The following MMP26 variants were observed in gnomAD, a reference collection of about 807,000 sequenced individuals.
MMP26 encodes matrix metalloproteinase-26.
A neutral mutation model predicts 31.0 loss-of-function variants in MMP26; 33 were observed. The observed-to-expected ratio is 1.06, with a 90% CI of 0.81 to 1.42. MMP26 has a LOEUF of 1.42. Among genes scored for constraint, MMP26 ranks in the 40% most tolerant of loss-of-function variants. MMP26 has a pLI of 0.00. For missense variants in MMP26, 347 were observed against 316.1 expected, an observed-to-expected ratio of 1.10 and a Z score of -0.74; for synonymous variants, 122 against 114.9, an observed-to-expected ratio of 1.06 and a Z score of -0.40.
At chr11:4,895,069 A>G (rs1360003650) in intron 2 of MMP26, among the ~76,000 whole-genome samples, 2 of 152,280 alleles carry the variant, frequency 1.3e-5, no homozygotes, top group African/African-American at 2.4e-5. Context: ...AAAGGGACTA[A>G]TGCATTTTCC....
chr11:4,975,964 T>C (rs1214174310), intron 2 of MMP26, among the ~76,000 whole-genome samples: 4 of 152,064 alleles, frequency 2.6e-5, no homozygotes, highest in African/African-American at 9.7e-5. Flanking sequence ...ATACCAGCCC[T>C]CTTAATAGGA....
At chr11:4,860,090 A>G (rs749033908) in intron 2 of MMP26, 3 of 470,986 alleles carry the variant, frequency 6.4e-6, no homozygotes, top group Admixed American at 2.4e-5. Context: ...GGCACAGGGA[A>G]TACCACACAG....
At chr11:4,897,363 C>A (rs1408756037) in intron 2 of MMP26, among the ~76,000 whole-genome samples, 1 of 152,200 alleles carries the variant, frequency 6.6e-6, no homozygotes, top group African/African-American at 2.4e-5. Flanking sequence ...TGGTCTCCAT[C>A]TCCTGACCTC....
At chr11:4,822,488 T>C (rs753264720) in intron 2 of MMP26, 5 of 979,322 alleles carry the variant, frequency 5.1e-6, no homozygotes, top group Non-Finnish European at 5.5e-6. Flanking sequence ...AAGCAATTTA[T>C]AGGTTATGTG....
At chr11:4,963,282 C>G (rs1039508694) in intron 2 of MMP26, among the ~76,000 whole-genome samples, 2 of 152,050 alleles carry the variant, frequency 1.3e-5, no homozygotes, top group Non-Finnish European at 2.9e-5. Flanking sequence ...ATAGGAAGAA[C>G]CAATATCATG....
intron 2 of MMP26, among the ~76,000 whole-genome samples, chr11:4,897,115 C>G (rs1589932198): frequency 6.9e-6 from 1 of 145,338 alleles, no homozygotes; most frequent in Non-Finnish European, 1.5e-5. Flanking sequence ...CACACACACA[C>G]AGACACACAC....
At chr11:4,755,465 TG>T (rs1848494622) in intron 1 of MMP26, among the ~76,000 whole-genome samples, 1 of 152,014 alleles carries the variant, frequency 6.6e-6, no homozygotes, top group African/African-American at 2.4e-5. Context: ...TTTTATAGGA[TG>T]CTTAACTATA....
chr11:4,886,987 A>T, intron 2 of MMP26, among the ~76,000 whole-genome samples: 1 of 152,012 alleles, frequency 6.6e-6, no homozygotes, highest in South Asian at 2.1e-4. Flanking sequence ...TAAAAATCAT[A>T]TGCACACAAA....
At chr11:4,896,621 T>C (rs1167805212) in intron 2 of MMP26, among the ~76,000 whole-genome samples, 2 of 152,200 alleles carry the variant, frequency 1.3e-5, no homozygotes, top group African/African-American at 4.8e-5. Flanking sequence ...TTAATCGATA[T>C]ATTATTTTAG....
At chr11:4,903,626 T>C (rs181447841) in intron 2 of MMP26, among the ~76,000 whole-genome samples, 242 of 152,220 alleles carry the variant, frequency 1.6e-3, no homozygotes, top group Middle Eastern at 0.01. Context: ...TAAGGTACAA[T>C]GAATACAAAG....
At chr11:4,935,806 A>G (rs2133595466) in intron 2 of MMP26, among the ~76,000 whole-genome samples, 1 of 151,660 alleles carries the variant, frequency 6.6e-6, no homozygotes, top group East Asian at 1.9e-4. Flanking sequence ...AATTTTGTCA[A>G]AGGCTTTTTC....
At chr11:4,900,381 A>G (rs529103226) in intron 2 of MMP26, among the ~76,000 whole-genome samples, 1 of 152,318 alleles carries the variant, frequency 6.6e-6, no homozygotes, top group South Asian at 2.1e-4. Flanking sequence ...TCTTCCATTA[A>G]GTGGCCATTT....
At chr11:4,768,958 A>G (rs1382215575) in intron 2 of MMP26, 5 of 1,467,562 alleles carry the variant, frequency 3.4e-6, no homozygotes, top group South Asian at 1.5e-5. Flanking sequence ...CCAGGTTTGT[A>G]TCAAATAAAA....
chr11:4,707,939 G>C (rs1229040216), intron 1 of MMP26, among the ~76,000 whole-genome samples: 1 of 152,086 alleles, frequency 6.6e-6, no homozygotes, highest in Non-Finnish European at 1.5e-5. Flanking sequence ...TTCATTAGAG[G>C]ACGCTTCTTC....
At chr11:4,791,600 T>C (rs558221590) in intron 2 of MMP26, among the ~76,000 whole-genome samples, 3 of 152,206 alleles carry the variant, frequency 2.0e-5, no homozygotes, top group Non-Finnish European at 4.4e-5. Context: ...TTGTTACCTT[T>C]ACCAGCTTTT....
chr11:4,875,312 C>A (rs1427480622), intron 2 of MMP26: 1 of 152,046 alleles, frequency 6.6e-6, no homozygotes, highest in Non-Finnish European at 1.5e-5. Flanking sequence ...GGGACTAAAG[C>A]AACTCTTCTG....
At chr11:4,889,462 C>G (rs143656850) in intron 2 of MMP26, 1 of 152,032 alleles carries the variant, frequency 6.6e-6, no homozygotes, top group Non-Finnish European at 1.5e-5. Context: ...AGATGTGAAA[C>G]CTATGGGTAA....
At chr11:4,820,787 C>G (rs528333342) in intron 2 of MMP26, among the ~76,000 whole-genome samples, 1 of 152,098 alleles carries the variant, frequency 6.6e-6, no homozygotes, top group Non-Finnish European at 1.5e-5. Flanking sequence ...AATTCGTGTA[C>G]GATCTATCTC....
intron 2 of MMP26, among the ~76,000 whole-genome samples, chr11:4,918,665 T>C (rs1851135003): frequency 6.6e-6 from 1 of 152,142 alleles, no homozygotes; most frequent in African/African-American, 2.4e-5. Context: ...AAAGCAGCTG[T>C]CCAGGATACA....
Sources: gnomAD v4.1 joint callset for allele counts (sites outside exome capture counted in the v4.1 genomes callset) on GRCh38, gnomAD v4.1.1 for gene constraint, MANE v1.5 for transcripts, NCBI Gene and HGNC (gene_info 2026-07-23, HGNC 2026-07-21) for gene names.